The following TYW1 variants were observed in gnomAD, a reference collection of about 807,000 sequenced individuals.
TYW1 encodes the protein tRNA-yW synthesizing protein 1 homolog.
In TYW1, 46 loss-of-function variants were observed where a neutral mutation model predicts 96.2. That is an observed-to-expected ratio of 0.48 (90% confidence interval 0.38 to 0.61). TYW1 has a LOEUF of 0.61. Among genes scored for constraint, TYW1 ranks in the 20% least tolerant of loss-of-function variants. TYW1 has a pLI of 0.00. For synonymous variants in TYW1, 274 were observed against 323.0 expected, an observed-to-expected ratio of 0.85 and a Z score of 1.63; for missense variants, 684 against 909.6, an observed-to-expected ratio of 0.75 and a Z score of 3.19.
At chr7:67,125,509 T>G (rs368534709) in intron 13 of TYW1, among the ~76,000 whole-genome samples, 1 of 145,352 alleles carries the variant, frequency 6.9e-6, no homozygotes, top group Non-Finnish European at 1.5e-5. Flanking sequence ...CATTACCTCC[T>G]TATCAACATC....
intron 15 of TYW1, among the ~76,000 whole-genome samples, chr7:67,203,150 G>A (rs1438963996): frequency 1.3e-5 from 2 of 152,192 alleles, no homozygotes; most frequent in Non-Finnish European, 2.9e-5. Flanking sequence ...ACTATCCCTA[G>A]CCTCTGGCGA....
At chr7:67,109,175 G>T (rs1797326625) in intron 12 of TYW1, among the ~76,000 whole-genome samples, 1 of 150,518 alleles carries the variant, frequency 6.6e-6, no homozygotes, top group East Asian at 2.0e-4. Context: ...TCGGGAGGCT[G>T]AGGCAGGAGA....
In TYW1 at chr7:67,237,499, CAAAAAA is replaced by C. The variant is rs386410332; in HGVS notation, c.1978-795_1978-790del. Among the ~76,000 whole-genome samples the C allele has an allele frequency of 8.1e-5, 8 of 98,808 alleles. No homozygotes were observed. The South Asian group carries it at 1.7e-3, about 21-fold the overall frequency. 64.8% of individuals were successfully genotyped at this position (98,808 alleles called of 152,430 possible). On this transcript the variant is annotated intron_variant, in intron 15 of 15. Transcript: ENST00000359626. ...TGGGCTACAGAGTGAGACTCTGTCT[CAAAAAA>C]AAAAAAAAAAAAAGACAGTGGCATG... is the stretch of plus-strand genomic sequence containing the variant.
chr7:67,196,976 C>T (rs1044861130), intron 15 of TYW1, among the ~76,000 whole-genome samples: 68 of 152,348 alleles, frequency 4.5e-4, no homozygotes, highest in African/African-American at 1.4e-3. Context: ...AAATCTTACA[C>T]TACCACTTGT....
intron 10 of TYW1, among the ~76,000 whole-genome samples, chr7:67,072,278 A>C (rs1158176945): frequency 1.5e-5 from 2 of 129,480 alleles, no homozygotes; most frequent in South Asian, 2.4e-4. Context: ...ACGGAGTCTC[A>C]CTCTGTCACC....
intron 15 of TYW1, among the ~76,000 whole-genome samples, chr7:67,201,307 AAAC>A (rs200234600): frequency 0.28 from 32,357 of 113,680 alleles, 7,459 homozygotes; most frequent in Middle Eastern, 0.36. Flanking sequence ...TCCATTTCTA[AAAC>A]AACAACAACA....
chr7:67,238,256 T>C lies in TYW1; in HGVS notation c.1978-52T>C. The C allele has an allele frequency of 3.2e-6, 5 of 1,583,326 alleles. No individual in the cohort carries two copies. In the South Asian group the frequency reaches 5.8e-5, roughly 18 times the overall value. On this transcript the variant is annotated intron_variant, in intron 15 of 15. Transcript: ENST00000359626. ...TCATGATTTTAAAAACATTCATTTT[T>C]TTTTTCTAGGGATGTTTTTACTTCT...
chr7:67,093,967 T>C (rs191850630), intron 11 of TYW1, among the ~76,000 whole-genome samples: 2 of 152,350 alleles, frequency 1.3e-5, no homozygotes, highest in African/African-American at 4.8e-5. Flanking sequence ...GTGAACATTG[T>C]ACCTGATAGG....
intron 7 of TYW1, among the ~76,000 whole-genome samples, chr7:67,031,126 G>A (rs1794659552): frequency 7.2e-6 from 1 of 139,576 alleles, no homozygotes; most frequent in South Asian, 2.4e-4. Flanking sequence ...CCGGGAGGCG[G>A]AGCTTGCAGT....
chr7:67,223,101 T>G, intron 15 of TYW1, among the ~76,000 whole-genome samples: 1 of 152,178 alleles, frequency 6.6e-6, no homozygotes, highest in Non-Finnish European at 1.5e-5. Flanking sequence ...TCCCACATAT[T>G]CCTGTAGTTT....
chr7:67,007,536 T>A (rs1346905686), intron 3 of TYW1, among the ~76,000 whole-genome samples: 1 of 152,122 alleles, frequency 6.6e-6, no homozygotes, highest in Non-Finnish European at 1.5e-5. Context: ...ACTTCCAACA[T>A]TGGAGATTAC....
rs534898693 is a variant in TYW1 at position 67,109,403 on chromosome 7, A to C, written c.1563-8080A>C. Among the ~76,000 whole-genome samples the C allele has an allele frequency of 1.1e-4, 17 of 152,110 alleles. No homozygotes were observed. The South Asian group carries it at 3.5e-3, about 32-fold the overall frequency. ...ACCTTAAAAATCTTGTTTCTCTGTG[A>C]AAACAATGAGAATACTGGCAAAAAT... is the stretch of plus-strand genomic sequence containing the variant. On this transcript the variant is annotated intron_variant, in intron 12 of 15. Coordinates refer to ENST00000359626, the MANE Select transcript of TYW1 (RefSeq NM_018264.4).
intron 15 of TYW1, among the ~76,000 whole-genome samples, chr7:67,205,694 C>T (rs543120158): frequency 1.3e-5 from 2 of 152,150 alleles, no homozygotes; most frequent in South Asian, 2.1e-4. Flanking sequence ...GAATGAGGCC[C>T]GTTTTTCTCA....
chr7:67,206,691 G>T (rs1004135719), intron 15 of TYW1, among the ~76,000 whole-genome samples: 2 of 151,560 alleles, frequency 1.3e-5, no homozygotes, highest in Non-Finnish European at 2.9e-5. Context: ...GTAACTAAAA[G>T]ACAAGGGAAA....
intron 7 of TYW1, among the ~76,000 whole-genome samples, chr7:67,035,090 C>A (rs1198341777): frequency 2.7e-5 from 4 of 150,212 alleles, no homozygotes; most frequent in African/African-American, 4.9e-5. Flanking sequence ...TGCATTTTTT[C>A]TTTCTTTTTT....
chr7:67,121,776 C>T (rs1442029585), intron 13 of TYW1, among the ~76,000 whole-genome samples: 1 of 150,706 alleles, frequency 6.6e-6, no homozygotes, highest in Non-Finnish European at 1.5e-5. Context: ...TCTAGTACTA[C>T]CCAAAGAAGA....
intron 4 of TYW1, among the ~76,000 whole-genome samples, chr7:67,010,665 T>C (rs144193454): frequency 0.13 from 19,946 of 151,860 alleles, 1,519 homozygotes; most frequent in Middle Eastern, 0.16. Flanking sequence ...TTAGTAGAGA[T>C]GGGGTTTCAC....
In TYW1 at chr7:67,087,279, C is replaced by T. The variant is rs1385408326; in HGVS notation, c.1384+3740C>T. Among the ~76,000 whole-genome samples, 3 of 152,120 alleles carry T rather than the reference C, an allele frequency of 2.0e-5. No homozygotes were observed. In the East Asian group the frequency reaches 5.8e-4, roughly 29 times the overall value. On this transcript the variant is annotated intron_variant, in intron 11 of 15. Transcript: ENST00000359626. ...GGCCTGTTGAGGGTCCTGTCCTGTG[C>T]AGAAAGGGGTGTCCAATAGTGACCT... is the stretch of plus-strand genomic sequence containing the variant.
chr7:67,121,014 G>A (rs1797743122), intron 13 of TYW1, among the ~76,000 whole-genome samples: 1 of 152,212 alleles, frequency 6.6e-6, no homozygotes, highest in South Asian at 2.1e-4. Context: ...ATTAAGAGTT[G>A]TTGTTTCTTG....
Sources: gnomAD v4.1 joint callset for allele counts (sites outside exome capture counted in the v4.1 genomes callset) on GRCh38, gnomAD v4.1.1 for gene constraint, MANE v1.5 for transcripts, NCBI Gene and HGNC (gene_info 2026-07-23, HGNC 2026-07-21) for gene names.